The following PARD3 variants were observed in gnomAD, a reference collection of about 807,000 sequenced individuals.
The protein encoded by PARD3 is par-3 family cell polarity regulator, also known as partitioning defective 3 homolog.
Under a neutral mutation model 155.4 loss-of-function variants are expected in PARD3, and 75 were observed. The ratio of observed to expected loss-of-function variants is 0.48; its 90% confidence interval spans 0.40 to 0.58. The LOEUF (loss-of-function observed/expected upper bound fraction) is 0.58, where lower values mean the gene tolerates loss of function less well. Among genes scored for constraint, PARD3 ranks in the 20% least tolerant of loss-of-function variants. The pLI, the probability that PARD3 is intolerant of heterozygous loss-of-function variation, is 0.00. For synonymous variants in PARD3, 576 were observed against 610.5 expected (o/e 0.94, Z 0.83); for missense variants, 1,642 against 1,721.7 (o/e 0.95, Z 0.82).
intron 5 of PARD3, among the ~76,000 whole-genome samples, 169 bp downstream of exon 5, chr10:34,450,148 T>C (rs2076980369): frequency 6.6e-6 from 1 of 152,120 alleles, no homozygotes; most frequent in South Asian, 2.1e-4. Context: ...GCCAGAAATA[T>C]CCTGCATTTA....
intron 22 of PARD3, among the ~76,000 whole-genome samples, chr10:34,149,633 T>G (rs568841473): frequency 2.0e-5 from 3 of 152,300 alleles, no homozygotes; most frequent in African/African-American, 7.2e-5. Flanking sequence ...CTACAGATGA[T>G]CTCACGTTTA....
intron 3 of PARD3, among the ~76,000 whole-genome samples, chr10:34,482,954 T>A (rs2079183835): frequency 1.3e-5 from 2 of 150,472 alleles, no homozygotes; most frequent in Admixed American, 6.6e-5. Flanking sequence ...TTCAAGACCA[T>A]CCTGACCAAC....
At chr10:34,788,414 G>A (rs1257632719) in intron 1 of PARD3, among the ~76,000 whole-genome samples, 1 of 149,680 alleles carries the variant, frequency 6.7e-6, no homozygotes, top group Non-Finnish European at 1.5e-5. Context: ...CTACCACGCA[G>A]CCACTGCCTA....
At chr10:34,299,738 T>C (rs907201626) in intron 20 of PARD3, among the ~76,000 whole-genome samples, 2 of 152,228 alleles carry the variant, frequency 1.3e-5, no homozygotes, top group African/African-American at 2.4e-5. Flanking sequence ...AAAAATGCTA[T>C]ATAAATTTTT....
chr10:34,383,011 A>G, intron 8 of PARD3, 89 bp from the exon 9 acceptor site: 2 of 1,394,584 alleles, frequency 1.4e-6, no homozygotes, highest in Non-Finnish European at 2.0e-6. Context: ...TAATTAAGCA[A>G]TAAGAACTGA....
chr10:34,712,945 A>G (rs1192575200), intron 1 of PARD3, among the ~76,000 whole-genome samples: 1 of 152,204 alleles, frequency 6.6e-6, no homozygotes, highest in Non-Finnish European at 1.5e-5. Context: ...GCAGTGGCTC[A>G]TGCCTGTAAT....
intron 3 of PARD3, among the ~76,000 whole-genome samples, chr10:34,516,166 T>C (rs1391394519): frequency 6.6e-6 from 1 of 152,044 alleles, no homozygotes; most frequent in East Asian, 1.9e-4. Context: ...GGTTTCACCA[T>C]GTCGGCCAGG....
intron 2 of PARD3, among the ~76,000 whole-genome samples, chr10:34,622,778 A>C (rs1395902050): frequency 6.6e-6 from 1 of 152,000 alleles, no homozygotes; most frequent in African/African-American, 2.4e-5. Flanking sequence ...TGTCTACAGG[A>C]ATCAAACTGT....
Position 34,404,931 on chromosome 10 carries a change from G to A in PARD3, c.715-3014C>T, listed in dbSNP as rs1844280060. On this transcript the variant is annotated intron_variant, in intron 5 of 24. Transcript: ENST00000374788. ...AGACTCAGTCTCTACAAAAAACCAGGTGAGATAGTGCGTGCCTGTAGTCCC... is the reference window on the plus strand; with the variant it reads ...AGACTCAGTCTCTACAAAAAACCAGATGAGATAGTGCGTGCCTGTAGTCCC... Among the ~76,000 whole-genome samples the A allele has an allele frequency of 3.9e-5, 6 of 152,104 alleles. No homozygotes were observed. In the South Asian group the frequency reaches 1.2e-3, roughly 32 times the overall value.
intron 3 of PARD3, among the ~76,000 whole-genome samples, chr10:34,504,539 C>T (rs1035734929): frequency 5.3e-5 from 8 of 151,140 alleles, no homozygotes; most frequent in African/African-American, 2.0e-4. Flanking sequence ...TGAGTAAACA[C>T]AAAATAACAC....
At chr10:34,176,648 C>T (rs144582136) in intron 22 of PARD3, among the ~76,000 whole-genome samples, 9 of 152,298 alleles carry the variant, frequency 5.9e-5, no homozygotes, top group Non-Finnish European at 8.8e-5. Flanking sequence ...AATCATTCCT[C>T]CAGCACCATT....
chr10:34,255,486 C>A (rs1041447250), intron 22 of PARD3, among the ~76,000 whole-genome samples: 7 of 152,210 alleles, frequency 4.6e-5, no homozygotes, highest in African/African-American at 1.7e-4. Context: ...TATTATATAA[C>A]TTTCAGAAGA....
intron 1 of PARD3, among the ~76,000 whole-genome samples, chr10:34,762,330 G>A (rs896474669): frequency 6.6e-6 from 1 of 151,652 alleles, no homozygotes; most frequent in South Asian, 2.1e-4. Flanking sequence ...GTCTCACTCT[G>A]TCGCCCAGGC....
chr10:34,344,245 C>T (rs1837138404), intron 15 of PARD3: 13 of 983,240 alleles, frequency 1.3e-5, no homozygotes, highest in Non-Finnish European at 1.6e-5. Flanking sequence ...CTGACTATCC[C>T]TGTTGCTGGT....
intron 1 of PARD3, among the ~76,000 whole-genome samples, chr10:34,760,994 T>C (rs185762913): frequency 6.6e-6 from 1 of 152,232 alleles, no homozygotes; most frequent in East Asian, 1.9e-4. Context: ...AATTGGATAA[T>C]TAATATATTT....
intron 4 of PARD3, among the ~76,000 whole-genome samples, chr10:34,455,668 A>C (rs1179697118): frequency 6.6e-6 from 1 of 152,222 alleles, no homozygotes; most frequent in African/African-American, 2.4e-5. Flanking sequence ...CTTGTAAATG[A>C]AGGCAGAAAA....
chr10:34,764,552 C>T (rs557622097), intron 1 of PARD3, among the ~76,000 whole-genome samples: 2 of 152,154 alleles, frequency 1.3e-5, no homozygotes, highest in Non-Finnish European at 2.9e-5. Flanking sequence ...TAAACAAGAC[C>T]GGCCATGTGT....
At chr10:34,138,068 T>C (rs535040064) in intron 22 of PARD3, among the ~76,000 whole-genome samples, 4 of 152,220 alleles carry the variant, frequency 2.6e-5, no homozygotes, top group African/African-American at 9.6e-5. Context: ...TGCCCACAAG[T>C]GGAACCAAAC....
intron 1 of PARD3, among the ~76,000 whole-genome samples, chr10:34,803,371 CT>C (rs1374517930): frequency 2.0e-5 from 3 of 152,180 alleles, no homozygotes; most frequent in Non-Finnish European, 2.9e-5. Flanking sequence ...ATGTGTCACT[CT>C]GATGTTTTTG....
Sources: gnomAD v4.1 joint callset for allele counts (sites outside exome capture counted in the v4.1 genomes callset) on GRCh38, gnomAD v4.1.1 for gene constraint, MANE v1.5 for transcripts, NCBI Gene and HGNC (gene_info 2026-07-23, HGNC 2026-07-21) for gene names.